Variants in THNSL1 observed in about 807,000 individuals in gnomAD.
THNSL1 encodes threonine synthase-like 1.
THNSL1 carries 48 observed loss-of-function variants against 50.4 expected under a neutral mutation model. That is an observed-to-expected ratio of 0.95 (90% CI 0.76 to 1.21). The LOEUF (loss-of-function observed/expected upper bound fraction) is 1.21, where lower values mean the gene tolerates loss of function less well. THNSL1 is among the 50% of genes most tolerant of loss of function. THNSL1 has a pLI of 0.00. For missense variants in THNSL1, 896 were observed against 871.7 expected (o/e 1.03, Z -0.35); for synonymous variants, 309 against 306.1 (o/e 1.01, Z -0.10).
chr10:25,008,933 A>G, the THNSL1 span, among the ~76,000 whole-genome samples: 13 of 152,364 alleles, frequency 8.5e-5, no homozygotes, highest in African/African-American at 3.1e-4. Context: ...GCCATAAAAA[A>G]TGATGAGTTC....
the THNSL1 span, among the ~76,000 whole-genome samples, chr10:24,998,210 C>T: frequency 4.6e-5 from 7 of 152,092 alleles, no homozygotes; most frequent in Admixed American, 6.5e-5. Flanking sequence ...TGAGATGTTG[C>T]ATTATTTCCT....
upstream of THNSL1, among the ~76,000 whole-genome samples, chr10:25,016,442 G>A (rs2291583): frequency 0.28 from 42,372 of 152,108 alleles, 6,424 homozygotes; most frequent in East Asian, 0.5. Context: ...TTTGTGAGCA[G>A]GCCCCAATCG....
At chr10:24,995,816 C>G in the THNSL1 span, 2 of 1,613,968 alleles carry the variant, frequency 1.2e-6, no homozygotes, top group Non-Finnish European at 1.7e-6. Flanking sequence ...ACAGGATGAT[C>G]AGTCTTCAAT....
the THNSL1 span, among the ~76,000 whole-genome samples, chr10:25,011,205 C>T: frequency 6.6e-6 from 1 of 152,128 alleles, no homozygotes; most frequent in African/African-American, 2.4e-5. Context: ...GTGATGATGA[C>T]CATTTTTTCA....
chr10:24,981,556 T>G, the THNSL1 span, among the ~76,000 whole-genome samples: 1 of 152,320 alleles, frequency 6.6e-6, no homozygotes, highest in African/African-American at 2.4e-5. Context: ...CTATTGATGG[T>G]ATGTTAATGG....
chr10:25,003,961 G>A, the THNSL1 span, among the ~76,000 whole-genome samples: 1 of 152,150 alleles, frequency 6.6e-6, no homozygotes, highest in Non-Finnish European at 1.5e-5. Flanking sequence ...GTTTGCTAAG[G>A]ATAATGGCCT....
the THNSL1 span, among the ~76,000 whole-genome samples, chr10:24,976,872 C>CA: frequency 0.013 from 1,989 of 152,022 alleles, 57 homozygotes; most frequent in African/African-American, 0.046. Flanking sequence ...AATAATTCTG[C>CA]AAAAAAGCCA....
intron 1 of THNSL1, among the ~76,000 whole-genome samples, chr10:25,017,846 T>A (rs1452660590): frequency 3.9e-5 from 6 of 152,080 alleles, no homozygotes; most frequent in Admixed American, 6.6e-5. Context: ...AGAGAAAAAA[T>A]TTGGCGGGAA....
chr10:25,018,336 C>CAT, intron 1 of THNSL1, among the ~76,000 whole-genome samples: 1 of 152,114 alleles, frequency 6.6e-6, no homozygotes, highest in South Asian at 2.1e-4. Context: ...CTGTGTCCAC[C>CAT]GCATGTCCAC....
At chr10:24,998,150 T>C in the THNSL1 span, among the ~76,000 whole-genome samples, 1 of 152,158 alleles carries the variant, frequency 6.6e-6, no homozygotes, top group East Asian at 1.9e-4. Flanking sequence ...AATACTGCCA[T>C]AAAGAGAAGT....
At chr10:25,016,124 T>A (rs977425165), upstream of THNSL1, 11 of 1,261,754 alleles carry the variant, frequency 8.7e-6, no homozygotes, top group Admixed American at 8.2e-5. Flanking sequence ...GAAAACACCC[T>A]ATTTCTCTCC....
the THNSL1 span, chr10:24,952,609 C>G: frequency 4.5e-5 from 61 of 1,368,974 alleles, no homozygotes; most frequent in Non-Finnish European, 5.6e-5. This position sits in a 1 kb window ranked among gnomAD's most constrained non-coding sequence, Gnocchi z 5.1. Context: ...GGGAAGACGG[C>G]GCGGGAAGGA....
intron 1 of THNSL1, among the ~76,000 whole-genome samples, chr10:25,017,516 C>T (rs921611320): frequency 1.3e-5 from 2 of 151,864 alleles, no homozygotes; most frequent in East Asian, 3.9e-4. Context: ...AACACAATGG[C>T]CTGGTGAACC....
chr10:25,010,447 T>A, the THNSL1 span, among the ~76,000 whole-genome samples: 6 of 151,974 alleles, frequency 3.9e-5, no homozygotes, highest in South Asian at 8.4e-4. Flanking sequence ...TCATTTTTTT[T>A]ATTATTATTA....
the THNSL1 span, among the ~76,000 whole-genome samples, chr10:24,963,502 T>C: frequency 1.3e-5 from 2 of 152,324 alleles, no homozygotes; most frequent in East Asian, 3.9e-4. Flanking sequence ...TGAAGAATGG[T>C]TATTGAGGTT....
At chr10:24,984,706 AATTGTTATACTTTAAAG>A in the THNSL1 span, 1 of 1,557,794 alleles carries the variant, frequency 6.4e-7, no homozygotes, top group Non-Finnish European at 8.7e-7. Context: ...CCTACATTGA[AATTGTTATACTTTAAAG>A]ATCCATTCTT....
the THNSL1 span, among the ~76,000 whole-genome samples, chr10:25,007,446 A>G: frequency 3.3e-5 from 5 of 151,958 alleles, no homozygotes; most frequent in Middle Eastern, 6.8e-3. Context: ...TTGTTTGTTT[A>G]TTTATTGAGA....
the THNSL1 span, chr10:24,982,408 A>G: frequency 2.0e-5 from 3 of 152,288 alleles, no homozygotes; most frequent in East Asian, 1.9e-4. Flanking sequence ...AGCTAAAAAG[A>G]TCATAGACAA....
At chr10:24,954,275 C>T in the THNSL1 span, among the ~76,000 whole-genome samples, 2 of 152,084 alleles carry the variant, frequency 1.3e-5, no homozygotes, top group Non-Finnish European at 2.9e-5. Flanking sequence ...TCTGTGGAAG[C>T]ACCTAGAATC....
Sources: allele counts gnomAD v4.1 joint callset (sites outside exome capture counted in the v4.1 genomes callset), GRCh38; gene constraint gnomAD v4.1.1; non-coding constraint Gnocchi (gnomAD v3.1); transcripts MANE v1.5; gene names NCBI Gene and HGNC (gene_info 2026-07-23, HGNC 2026-07-21).